Variants in CAPN7 observed in about 807,000 individuals in gnomAD.
CAPN7 encodes calpain 7.
Under a neutral mutation model 115.2 loss-of-function variants are expected in CAPN7, and 72 were observed. The observed-to-expected ratio is 0.63, with a 90% CI of 0.52 to 0.76. The LOEUF (loss-of-function observed/expected upper bound fraction) is 0.76, where lower values mean the gene tolerates loss of function less well. CAPN7 is among the 30% of genes least tolerant of loss of function. The pLI, the probability that CAPN7 is intolerant of heterozygous loss-of-function variation, is 0.00. For missense variants in CAPN7, 905 were observed against 971.5 expected (o/e 0.93, Z 0.91); for synonymous variants, 344 against 322.3 (o/e 1.07, Z -0.72).
At chr3:15,243,261 GATTTGCAGAGGTCAGATC>G (rs1180532023) in intron 16 of CAPN7, among the ~76,000 whole-genome samples, 3 of 152,196 alleles carry the variant, frequency 2.0e-5, no homozygotes, top group Non-Finnish European at 4.4e-5. Context: ...AGGTCAGAAA[GATTTGCAGAGGTCAGATC>G]ACATGAGGTT....
intron 1 of CAPN7, 51 bp downstream of exon 1, chr3:15,206,648 C>G (rs1389789443): frequency 2.2e-6 from 3 of 1,364,766 alleles, no homozygotes; most frequent in South Asian, 1.3e-5. Context: ...GGAGTGCGGC[C>G]CGGGCCTGCG....
chr3:15,233,567 G>A (rs745734332), intron 10 of CAPN7, among the ~76,000 whole-genome samples: 5 of 152,144 alleles, frequency 3.3e-5, no homozygotes, highest in Non-Finnish European at 7.4e-5. Context: ...ACTCACTAAA[G>A]GACTTGTGAC....
chr3:15,233,660 A>G (rs1389900393), intron 10 of CAPN7, among the ~76,000 whole-genome samples: 1 of 152,258 alleles, frequency 6.6e-6, no homozygotes, highest in African/African-American at 2.4e-5. Flanking sequence ...CAGGAAAAGC[A>G]ACAAAGATTG....
chr3:15,214,957 G>A (rs1457753121), intron 2 of CAPN7, among the ~76,000 whole-genome samples: 1 of 152,226 alleles, frequency 6.6e-6, no homozygotes, highest in Non-Finnish European at 1.5e-5. Context: ...TAGAGGCCAA[G>A]GCTGTTGCTA....
In CAPN7 at chr3:15,251,404, C is replaced by A; in HGVS notation, c.*144C>A. On this transcript the variant is annotated 3_prime_UTR_variant, in exon 21 of 21. Coordinates refer to ENST00000253693, the MANE Select transcript of CAPN7 (RefSeq NM_014296.3). ...TGTTACAGTGGAATCTGGTGCTTGT[C>A]AGGGTGTTTGGTAAGAACTGTATAT... 1.5e-6 allele frequency: 1 copy of A among 687,962 alleles called. No homozygotes were observed. Among genetic ancestry groups the A allele is most frequent in the Non-Finnish European group, 2.4e-6 (1 of 418,982 alleles). 42.6% of individuals were successfully genotyped at this position (687,962 alleles called of 1,614,324 possible).
chr3:15,210,167 A>ATT (rs556065350), intron 1 of CAPN7, among the ~76,000 whole-genome samples: 5 of 146,750 alleles, frequency 3.4e-5, no homozygotes, highest in Middle Eastern at 3.5e-3. Context: ...TACCTGGCTA[A>ATT]TTTTTTTTTT....
chr3:15,210,983 T>C, intron 1 of CAPN7: 1 of 1,111,724 alleles, frequency 9.0e-7, no homozygotes, highest in Non-Finnish European at 1.1e-6. Context: ...GTAACCTTCC[T>C]GGAATGGTGA....
At chr3:15,237,245 A>AT (rs200451029) in intron 12 of CAPN7, among the ~76,000 whole-genome samples, 17,856 of 151,492 alleles carry the variant, frequency 0.12, 3,492 homozygotes, top group African/African-American at 0.4. Flanking sequence ...TTTTCTGTTA[A>AT]TTTTTTTTTA....
rs1694900136 is a variant in CAPN7, at chr3:15,234,945, T to G, written c.1287-80T>G. The G allele has an allele frequency of 3.0e-6, 4 of 1,325,972 alleles. No homozygotes were observed. In the South Asian group the frequency reaches 5.9e-5, roughly 20 times the overall value. The allele number at this position is 1,325,972 out of a possible 1,614,324, so 82.1% of individuals were successfully genotyped here. A position where few individuals can be genotyped will look rare whatever the true frequency, so the allele number is the denominator to read the frequency against. ...AACAGCCCATTTTCATGTAAGCCAT[T>G]AGACTAAAAGATAAAATGGTGTGAT... On this transcript the variant is annotated intron_variant, in intron 11 of 20. Transcript: ENST00000253693.
At position 15,206,436 on chromosome 3, in the gene CAPN7, C is replaced by T. The variant is rs1559379265; in HGVS notation, c.-60C>T. The T allele has an allele frequency of 2.3e-6, 3 of 1,327,252 alleles. No homozygotes were observed. Among genetic ancestry groups the T allele is most frequent in the Non-Finnish European group, 1.0e-6 (1 of 960,952 alleles). 82.2% of individuals were successfully genotyped at this position (1,327,252 alleles called of 1,614,324 possible). ...TCGCCGCCGCCGGGCCGCCGCAGTC[C>T]GCGAAGAGCCGTCCTGCGTCAGGGC... On this transcript the variant is annotated 5_prime_UTR_variant, in exon 1 of 21. Coordinates refer to ENST00000253693, the MANE Select transcript of CAPN7 (RefSeq NM_014296.3).
intron 12 of CAPN7, among the ~76,000 whole-genome samples, chr3:15,235,568 C>T (rs1472930269): frequency 6.6e-6 from 1 of 152,104 alleles, no homozygotes; most frequent in Non-Finnish European, 1.5e-5. Flanking sequence ...TGGGTGGGAG[C>T]ATGGTTTCAG....
At chr3:15,229,168 T>A in intron 8 of CAPN7, 109 bp downstream of exon 8, 1 of 702,338 alleles carries the variant, frequency 1.4e-6, no homozygotes, top group Non-Finnish European at 2.5e-6. Flanking sequence ...TCATTCAGAA[T>A]ATGGCCCTTC....
intron 6 of CAPN7, among the ~76,000 whole-genome samples, chr3:15,226,190 C>T (rs1694305894): frequency 6.6e-6 from 1 of 152,080 alleles, no homozygotes; most frequent in African/African-American, 2.4e-5. Context: ...ATTCTTCTGC[C>T]TCAGCCTCCC....
At chr3:15,206,728 CCCT>C (rs2044647739) in intron 1 of CAPN7, 131 bp downstream of exon 1, 3 of 661,750 alleles carry the variant, frequency 4.5e-6, no homozygotes, top group Middle Eastern at 4.2e-4. Context: ...CGCCTCCCGG[CCCT>C]CCTCTTGTTG....
At position 15,250,862 on chromosome 3, in the gene CAPN7, A is replaced by G. The variant is rs762323663; in HGVS notation, c.2205-69A>G. On this transcript the variant is annotated intron_variant, in intron 19 of 20. Coordinates refer to ENST00000253693, the MANE Select transcript of CAPN7 (RefSeq NM_014296.3). ...ACTTAGTATGACATCTGCACTTCAG[A>G]TAAAGTTATTTTAAATCACGTTTGA... is the stretch of plus-strand genomic sequence containing the variant. 896 of 1,127,784 alleles carry G rather than the reference A, an allele frequency of 7.9e-4. 7 individuals are homozygous for G. The highest frequency in any genetic ancestry group is 3.5e-4 in the Admixed American group (18 of 51,028). 69.9% of individuals were successfully genotyped at this position (1,127,784 alleles called of 1,614,324 possible).
At chr3:15,237,289 C>T (rs1695048667) in intron 12 of CAPN7, among the ~76,000 whole-genome samples, 1 of 152,110 alleles carries the variant, frequency 6.6e-6, no homozygotes, top group Admixed American at 6.6e-5. Flanking sequence ...CATAAACACA[C>T]ACATTAGCCT....
chr3:15,212,931 A>G (rs1429056008), intron 2 of CAPN7, among the ~76,000 whole-genome samples: 1 of 152,186 alleles, frequency 6.6e-6, no homozygotes, highest in East Asian at 1.9e-4. Flanking sequence ...ACTCATTTTG[A>G]GTAGATACGA....
chr3:15,245,207 A>C (rs1559411267), intron 16 of CAPN7, among the ~76,000 whole-genome samples: 1 of 152,052 alleles, frequency 6.6e-6, no homozygotes. Context: ...CAAAAAAAAA[A>C]CTAATCCTGA....
rs777901637 is a variant in CAPN7, at chr3:15,206,552, G to A, written c.57G>A (p.Gln19=). 1.5e-5 allele frequency: 23 copies of A among 1,555,878 alleles called. No homozygotes were observed. The African/African-American group carries it at 2.9e-4, about 19-fold the overall frequency. ...DAVQFARLAV[Q]RDHEGRYSEA... ...TGCAGTTCGCCCGTCTGGCGGTTCA[G>A]CGCGACCACGAAGGCCGCTACTCCG... The change falls in exon 1 of 21, where the codon CAG becomes CAA. Residue 19 remains glutamine (Q), a synonymous_variant. Transcript: ENST00000253693.
Sources: allele counts gnomAD v4.1 joint callset (sites outside exome capture counted in the v4.1 genomes callset), GRCh38; gene constraint gnomAD v4.1.1; transcripts MANE v1.5; gene names NCBI Gene and HGNC (gene_info 2026-07-23, HGNC 2026-07-21).